Variants in COL14A1 observed in about 807,000 individuals in gnomAD.
The protein encoded by COL14A1 is collagen type XIV alpha 1 chain, also known as collagen alpha-1(XIV) chain.
COL14A1 carries 136 observed loss-of-function variants against 230.3 expected under a neutral mutation model. That is an observed-to-expected ratio of 0.59 (90% CI 0.51 to 0.68). The LOEUF (loss-of-function observed/expected upper bound fraction) is 0.68, where lower values mean the gene tolerates loss of function less well. COL14A1 is among the 30% of genes least tolerant of loss of function. The probability of loss-of-function intolerance (pLI) is 0.00; values close to 1 mark genes in which losing one functional copy is unlikely to be tolerated. For missense variants in COL14A1, 1,976 were observed against 2,215.8 expected (o/e 0.89, Z 2.17); for synonymous variants, 792 against 784.1 (o/e 1.01, Z -0.17).
At chr8:120,128,609 C>T (rs950895470) in intron 1 of COL14A1, among the ~76,000 whole-genome samples, 1 of 152,210 alleles carries the variant, frequency 6.6e-6, no homozygotes, top group East Asian at 1.9e-4. Flanking sequence ...GTGGTGGGCA[C>T]CTGTAATCCT....
chr8:120,371,069 T>A, intron 47 of COL14A1, 83 bp from the exon 48 acceptor site: 1 of 1,229,732 alleles, frequency 8.1e-7, no homozygotes, highest in Non-Finnish European at 1.1e-6. Flanking sequence ...TATCTCTGTG[T>A]CTCTAAGGAC....
chr8:120,342,139 G>A (rs1822320671), intron 43 of COL14A1, among the ~76,000 whole-genome samples: 1 of 152,160 alleles, frequency 6.6e-6, no homozygotes, highest in Non-Finnish European at 1.5e-5. Context: ...TTTTAGAATA[G>A]GGGACCAGAA....
Position 120,226,686 on chromosome 8 carries a change from G to A in COL14A1, c.1924G>A (p.Val642Met). 1 of 1,613,916 alleles carries A rather than the reference G, an allele frequency of 6.2e-7. No homozygotes were observed. The highest frequency in any genetic ancestry group is 8.5e-7 in the Non-Finnish European group (1 of 1,179,908). Residue 642 changes from valine to methionine, a missense_variant, in exon 16 of 48, where the codon GTG becomes ATG. By Grantham distance (21) the Val-to-Met change is conservative. Coordinates refer to ENST00000297848, the MANE Select transcript of COL14A1 (RefSeq NM_021110.4). ...TGAGGTGACGACAGACAGTTTTAGG[G>A]TGACCTGGCATCCCCTCTCAGCTGA... ...IDEVTTDSFR[V>M]TWHPLSADEG... is the part of the protein sequence containing the mutation.
chr8:120,224,778 A>C (rs980072238), intron 14 of COL14A1, among the ~76,000 whole-genome samples: 3 of 152,180 alleles, frequency 2.0e-5, no homozygotes, highest in African/African-American at 7.2e-5. Flanking sequence ...GAAGCAAAAA[A>C]CTGGCTGCTA....
At chr8:120,240,961 T>C (rs1481062120) in intron 19 of COL14A1, among the ~76,000 whole-genome samples, 4 of 152,180 alleles carry the variant, frequency 2.6e-5, no homozygotes, top group Non-Finnish European at 4.4e-5. Flanking sequence ...ATACATTTTG[T>C]TGTCAGGGTA....
intron 40 of COL14A1, among the ~76,000 whole-genome samples, chr8:120,321,852 A>C (rs954181947): frequency 6.6e-6 from 1 of 152,100 alleles, no homozygotes; most frequent in Non-Finnish European, 1.5e-5. Flanking sequence ...TCAATCTCAG[A>C]GATTCGGATA....
At chr8:120,218,286 T>A (rs912806303) in intron 14 of COL14A1, among the ~76,000 whole-genome samples, 2 of 141,888 alleles carry the variant, frequency 1.4e-5, no homozygotes, top group East Asian at 4.0e-4. Context: ...TATAAATAGA[T>A]ATATAATATA....
intron 36 of COL14A1, among the ~76,000 whole-genome samples, chr8:120,303,072 C>A (rs1820764840): frequency 6.6e-6 from 1 of 151,992 alleles, no homozygotes; most frequent in Non-Finnish European, 1.5e-5. Context: ...TGTTAGTGAT[C>A]TTTGTGCATT....
intron 45 of COL14A1, among the ~76,000 whole-genome samples, chr8:120,348,023 A>G (rs190534995): frequency 1.3e-5 from 2 of 152,094 alleles, no homozygotes; most frequent in South Asian, 2.1e-4. Flanking sequence ...AAAATTCACT[A>G]CTGGGTATCT....
chr8:120,371,163 G>C lies in COL14A1; in HGVS notation c.5323G>C (p.Asp1775His), dbSNP rs374081700. The C allele has an allele frequency of 3.1e-6, 5 of 1,610,034 alleles. No individual in the cohort carries two copies. In the African/African-American group the frequency reaches 6.7e-5, roughly 22 times the overall value. The change falls in exon 48 of 48, where the codon GAT becomes CAT. Residue 1775 changes from aspartate to histidine, a missense_variant. Physicochemically the swap from Asp to His is moderately conservative, Grantham distance 81. This residue lies in a region of COL14A1 where 1,791 missense variants were observed against 2,019.5 expected (regional missense o/e 0.89). Transcript: ENST00000297848. ...SAYGVRAPHP[D>H]QPEFTPVQDE... is the part of the protein sequence containing the mutation. ...CTTTTCCTCTTTAGCTCCCCATCCAGATCAGCCAGAGTTCACCCCTGTCCA... is the reference window on the plus strand; with the variant it reads ...CTTTTCCTCTTTAGCTCCCCATCCACATCAGCCAGAGTTCACCCCTGTCCA...
intron 2 of COL14A1, among the ~76,000 whole-genome samples, chr8:120,154,047 G>T (rs543158931): frequency 6.6e-6 from 1 of 152,274 alleles, no homozygotes; most frequent in African/African-American, 2.4e-5. Context: ...TGTCATATAA[G>T]GAAGAGGAGA....
At chr8:120,135,664 T>G (rs768356156) in intron 1 of COL14A1, among the ~76,000 whole-genome samples, 1 of 152,192 alleles carries the variant, frequency 6.6e-6, no homozygotes, top group Non-Finnish European at 1.5e-5. Context: ...TTTGAGATTT[T>G]GATTAAAATT....
At chr8:120,150,034 T>C (rs1815230114) in intron 2 of COL14A1, among the ~76,000 whole-genome samples, 3 of 152,196 alleles carry the variant, frequency 2.0e-5, no homozygotes, top group Non-Finnish European at 4.4e-5. Context: ...GGGCATATTC[T>C]ATGTGTCAAG....
intron 3 of COL14A1, among the ~76,000 whole-genome samples, chr8:120,160,886 C>CT (rs1009080844): frequency 6.6e-6 from 1 of 151,876 alleles, no homozygotes; most frequent in Non-Finnish European, 1.5e-5. Flanking sequence ...GAGTTTAAAG[C>CT]TTTTTTTGTT....
chr8:120,291,683 G>A (rs1349887319), intron 34 of COL14A1, among the ~76,000 whole-genome samples: 4 of 151,098 alleles, frequency 2.6e-5, no homozygotes, highest in Non-Finnish European at 4.4e-5. Flanking sequence ...TAGAAATAAC[G>A]AATATAAAAT....
At chr8:120,160,440 A>G (rs1013400034) in intron 3 of COL14A1, among the ~76,000 whole-genome samples, 1 of 152,194 alleles carries the variant, frequency 6.6e-6, no homozygotes, top group Non-Finnish European at 1.5e-5. Flanking sequence ...ACAGAATTGT[A>G]GAAGTGACTT....
intron 1 of COL14A1, among the ~76,000 whole-genome samples, chr8:120,143,138 AC>A (rs1418059456): frequency 6.6e-6 from 1 of 151,780 alleles, no homozygotes; most frequent in Non-Finnish European, 1.5e-5. Flanking sequence ...TTTTTCCTTC[AC>A]ACTCTCCAGA....
At chr8:120,219,692 A>G (rs1440518353) in intron 14 of COL14A1, among the ~76,000 whole-genome samples, 4 of 152,218 alleles carry the variant, frequency 2.6e-5, no homozygotes, top group African/African-American at 9.6e-5. Flanking sequence ...CTTCCAGACC[A>G]TAGCAACTGC....
At chr8:120,190,180 A>G (rs1386425333) in intron 5 of COL14A1, among the ~76,000 whole-genome samples, 1 of 151,956 alleles carries the variant, frequency 6.6e-6, no homozygotes, top group East Asian at 1.9e-4. Context: ...TGCCATTCTA[A>G]CTGGTGTGAG....
Sources: allele counts gnomAD v4.1 joint callset (sites outside exome capture counted in the v4.1 genomes callset), GRCh38; gene constraint gnomAD v4.1.1; regional missense constraint gnomAD v4.1.1; transcripts MANE v1.5; gene names NCBI Gene and HGNC (gene_info 2026-07-23, HGNC 2026-07-21).